The following COL5A3 variants were observed in gnomAD, a reference collection of about 807,000 sequenced individuals.
COL5A3 encodes collagen type V alpha 3 chain.
Under a neutral mutation model 250.0 loss-of-function variants are expected in COL5A3, and 172 were observed. The ratio of observed to expected loss-of-function variants is 0.69; its 90% CI spans 0.61 to 0.78. The LOEUF is 0.78. Among genes scored for constraint, COL5A3 ranks in the 30% least tolerant of loss-of-function variants. COL5A3 has a pLI of 0.00. For synonymous variants in COL5A3, 937 were observed against 900.4 expected (o/e 1.04, Z -0.73); for missense variants, 2,340 against 2,334.4 (o/e 1.00, Z -0.05).
At chr19:9,994,008 A>T (rs1165900991) in intron 16 of COL5A3, among the ~76,000 whole-genome samples, 2 of 151,358 alleles carry the variant, frequency 1.3e-5, no homozygotes, top group Non-Finnish European at 2.9e-5. Flanking sequence ...GGTGCATGCC[A>T]CCAGGCCTGG....
At chr19:9,972,205 G>A (rs988184131) in intron 51 of COL5A3, among the ~76,000 whole-genome samples, 8 of 151,716 alleles carry the variant, frequency 5.3e-5, no homozygotes, top group African/African-American at 1.7e-4. Context: ...TCATTTATTC[G>A]TGCACATTTA....
In COL5A3 at chr19:9,960,373, C is replaced by T; in HGVS notation, c.*38G>A. ...GCCTCAGCACCAAATGCACCCCATT[C>T]TGGGGCTCCCTCATGGTCCCTCCCA... On this transcript the variant is annotated 3_prime_UTR_variant, in exon 67 of 67. Transcript: ENST00000264828. 1 of 1,612,740 alleles carries T rather than the reference C, an allele frequency of 6.2e-7. No homozygotes were observed. The highest frequency in any genetic ancestry group is 8.5e-7 in the Non-Finnish European group (1 of 1,179,318).
In COL5A3 at chr19:9,998,116, C is replaced by G. The variant is rs868272221; in HGVS notation, c.1144G>C (p.Ala382Pro). Reference protein sequence around the residue: ...AGEKGAKGEPAVIEKGQQFEG... With the variant: ...AGEKGAKGEPPVIEKGQQFEG... ...AGACCCCTCACCTTTTCAATCACTG[C>G]GGGCTCTCCTTTTGCTCCTTTCTCT... The change falls in exon 9 of 67, where the codon GCA (alanine) becomes CCA (proline). Residue 382 changes from alanine to proline, a missense_variant. This residue lies in a region of COL5A3 where 1,152 missense variants were observed against 1,146.3 expected (regional missense o/e 1.00). Coordinates refer to ENST00000264828, the MANE Select transcript of COL5A3 (RefSeq NM_015719.4). 6.2e-7 allele frequency: 1 copy of G among 1,613,878 alleles called. No homozygotes were observed. The highest frequency in any genetic ancestry group is 1.1e-5 in the South Asian group (1 of 91,000).
intron 44 of COL5A3, 147 bp downstream of exon 44, chr19:9,977,082 C>G: frequency 1.3e-6 from 1 of 763,018 alleles, no homozygotes; most frequent in South Asian, 1.6e-5. Flanking sequence ...CAAGTACCTT[C>G]TGTTGCATGT....
chr19:9,985,906 G>C lies in COL5A3; in HGVS notation c.2353-11C>G. The C allele has an allele frequency of 6.2e-7, 1 of 1,614,020 alleles. No individual in the cohort carries two copies. Among genetic ancestry groups the C allele is most frequent in the Non-Finnish European group, 8.5e-7 (1 of 1,179,944 alleles). On this transcript the variant is annotated splice_polypyrimidine_tract_variant and intron_variant, in intron 30 of 66. Transcript: ENST00000264828. ...CACCCCAAGCTTGCCCTGCAGAAAG[G>C]TTATGGGACAAAGGTCAGAAATTGC...
At chr19:9,990,048 G>A (rs564474630) in intron 24 of COL5A3, among the ~76,000 whole-genome samples, 6 of 145,976 alleles carry the variant, frequency 4.1e-5, no homozygotes, top group Non-Finnish European at 1.5e-5. Flanking sequence ...CACTGTGCCC[G>A]CCTTCCCTGG....
Position 9,996,499 on chromosome 19 carries a change from G to C in COL5A3, c.1356C>G (p.Gly452=), listed in dbSNP as rs1568427505. 1 of 1,614,138 alleles carries C rather than the reference G, an allele frequency of 6.2e-7. No homozygotes were observed. The highest frequency in any genetic ancestry group is 8.5e-7 in the Non-Finnish European group (1 of 1,180,004). Residue 452 remains glycine, a synonymous_variant, in exon 13 of 67, where the codon GGC becomes GGG. Transcript: ENST00000264828. The part of the protein sequence containing the change: ...VIMMPFQFAG[G]SFKGPPVSFQ... ...ATGAGACTGGGGGGCCTTTAAAGGA[G>C]CCGCCTGCAAACTGGAACTGGGAGG...
chr19:9,970,961 GT>G lies in COL5A3; in HGVS notation c.3882+13del. ...CCCCCGCCTCAGCACCACACCCTCT[GT>G]TTTCCCACTCACCGGTCCCCCAACA... On this transcript the variant is annotated intron_variant, in intron 53 of 66. Coordinates refer to ENST00000264828, the MANE Select transcript of COL5A3 (RefSeq NM_015719.4). 1 of 1,564,370 alleles carries G rather than the reference GT, an allele frequency of 6.4e-7. No individual in the cohort carries two copies. The highest frequency in any genetic ancestry group is 8.6e-7 in the Non-Finnish European group (1 of 1,158,712).
In COL5A3 at chr19:9,996,199, T is replaced by G. The variant is rs2087268444; in HGVS notation, c.1479+7A>C. 10 of 1,567,964 alleles carry G rather than the reference T, an allele frequency of 6.4e-6. No homozygotes were observed. Among genetic ancestry groups the G allele is most frequent in the Non-Finnish European group, 6.9e-6 (8 of 1,159,254 alleles). On this transcript the variant is annotated splice_region_variant and intron_variant, in intron 14 of 66. Transcript: ENST00000264828. Reference sequence around the variant, plus strand: ...CACCGCCCCCTCCACGCAGTCGCCTTACTCACCACAGGGCCTGGGCGCCCA... The same window carrying G: ...CACCGCCCCCTCCACGCAGTCGCCTGACTCACCACAGGGCCTGGGCGCCCA...
chr19:9,966,712 C>T lies in COL5A3; in HGVS notation c.4493G>A (p.Arg1498His), dbSNP rs1488835472. The change falls in exon 63 of 67, where the codon CGC becomes CAC. Residue 1498 changes from arginine (R) to histidine (H), a missense_variant. Physicochemically the swap from Arg to His is conservative, Grantham distance 29. Around this residue, in one of 3 missense-constraint regions of COL5A3, gnomAD observed 1,179 missense variants for 1,162.6 expected, o/e 1.01. Transcript: ENST00000264828. ...APAELHGLRR[R>H]RRFVPVPLPV... ...AAGCGGGACTGGGACGAAGCGCCGG[C>T]GCCTGCGCAGCCCATGCAGCTCGGC... 2 of 1,537,242 alleles carry T rather than the reference C, an allele frequency of 1.3e-6. No homozygotes were observed. The highest frequency in any genetic ancestry group is 1.7e-6 in the Non-Finnish European group (2 of 1,147,262).
chr19:9,977,186 C>G (rs2086933545), intron 44 of COL5A3, 43 bp downstream of exon 44: 1 of 1,597,346 alleles, frequency 6.3e-7, no homozygotes, highest in South Asian at 1.1e-5. Context: ...CCTCTTTCTT[C>G]CGCTACCCAC....
intron 51 of COL5A3, among the ~76,000 whole-genome samples, chr19:9,972,179 TCATC>T (rs1338978045): frequency 6.6e-6 from 1 of 152,246 alleles, no homozygotes; most frequent in Non-Finnish European, 1.5e-5. Context: ...ATTTACTCAT[TCATC>T]CATTCATTCA....
intron 21 of COL5A3, 53 bp from the exon 22 acceptor site, chr19:9,992,101 A>C: frequency 6.6e-7 from 1 of 1,506,108 alleles, no homozygotes; most frequent in Non-Finnish European, 9.2e-7. Context: ...TGGGAGCCTG[A>C]GTCTGAGACA....
In COL5A3 at chr19:9,978,629, T is replaced by G. The variant is rs1400992263; in HGVS notation, c.2965-2A>C. 1 of 1,555,688 alleles carries G rather than the reference T, an allele frequency of 6.4e-7. No individual in the cohort carries two copies. Among genetic ancestry groups the G allele is most frequent in the Non-Finnish European group, 8.7e-7 (1 of 1,153,064 alleles). On this transcript the variant is annotated splice_acceptor_variant, in intron 40 of 66. Transcript: ENST00000264828. LOFTEE classifies it high-confidence loss of function. The stretch of plus-strand genomic sequence containing the variant: ...ATCACCCTTTAAGCCAGTAGGTCCC[T>G]GAAGGAGGAGATAATTCACAGTTAA...
intron 8 of COL5A3, among the ~76,000 whole-genome samples, chr19:10,000,230 T>C (rs1389750518): frequency 6.6e-6 from 1 of 152,136 alleles, no homozygotes; most frequent in Non-Finnish European, 1.5e-5. Context: ...CTCGTCTCTC[T>C]TGTTTTCCTT....
Position 9,981,118 on chromosome 19 carries a change from C to T in COL5A3, c.2475G>A (p.Gln825=). ...GEKGKSGKTG[Q]PGLEGERGPP... ...GTCCCCGCTCTCCTTCCAGGCCTGGCTGCCCTGTCTTTCCCTGAAAATGAA... is the reference window on the plus strand; with the variant it reads ...GTCCCCGCTCTCCTTCCAGGCCTGGTTGCCCTGTCTTTCCCTGAAAATGAA... The change falls in exon 33 of 67, where the codon CAG becomes CAA. Residue 825 remains glutamine (Q), a synonymous_variant. Transcript: ENST00000264828. The T allele has an allele frequency of 1.2e-6, 2 of 1,613,980 alleles. No homozygotes were observed. The highest frequency in any genetic ancestry group is 1.6e-4 in the Middle Eastern group (1 of 6,062).
At chr19:9,980,552 T>C in intron 35 of COL5A3, 96 bp downstream of exon 35, 2 of 1,516,162 alleles carry the variant, frequency 1.3e-6, no homozygotes, top group Non-Finnish European at 1.8e-6. Flanking sequence ...CACTGCATTA[T>C]AATGTCTCTT....
Position 9,988,381 on chromosome 19 carries a change from T to A in COL5A3, c.2145+743A>T, listed in dbSNP as rs559065767. 2.6e-5 allele frequency among the ~76,000 whole-genome samples: 4 copies of A among 152,352 alleles called. No homozygotes were observed. The South Asian group carries it at 6.2e-4, about 24-fold the overall frequency. On this transcript the variant is annotated intron_variant, in intron 27 of 66. Transcript: ENST00000264828. Reference sequence around the variant, plus strand: ...TCTAAGCTTGTCTAATGCACACATGTTCAGGTAAATTACATCTGTATTTGG... The same window carrying A: ...TCTAAGCTTGTCTAATGCACACATGATCAGGTAAATTACATCTGTATTTGG...
chr19:9,996,313 A>G, intron 13 of COL5A3, 51 bp from the exon 14 acceptor site: 1 of 1,547,928 alleles, frequency 6.5e-7, no homozygotes, highest in Non-Finnish European at 8.7e-7. Context: ...GACCCCCAAC[A>G]TTCCCCACAG....
Sources: gnomAD v4.1 joint callset for allele counts (sites outside exome capture counted in the v4.1 genomes callset) on GRCh38, gnomAD v4.1.1 for gene constraint, gnomAD v4.1.1 regional missense constraint, MANE v1.5 for transcripts, NCBI Gene and HGNC (gene_info 2026-07-23, HGNC 2026-07-21) for gene names.